SORCS3: variants seen among roughly 807,000 people sequenced by gnomAD.
The protein encoded by SORCS3 is VPS10 domain-containing receptor SorCS3.
SORCS3 carries 57 observed loss-of-function variants against 146.3 expected under a neutral mutation model. The observed-to-expected ratio is 0.39, with a 90% CI of 0.31 to 0.49. The LOEUF (loss-of-function observed/expected upper bound fraction) is 0.49. Among genes scored for constraint, SORCS3 ranks in the 20% least tolerant of loss-of-function variants. The probability of loss-of-function intolerance (pLI) is 0.92; values close to 1 mark genes in which losing one functional copy is unlikely to be tolerated. For missense variants in SORCS3, 1,341 were observed against 1,575.5 expected (o/e 0.85, Z 2.52); for synonymous variants, 653 against 618.5 (o/e 1.06, Z -0.83).
At chr10:104,642,048 G>A (rs1169488025) in intron 1 of SORCS3, 94 bp downstream of exon 1, 11 of 1,383,520 alleles carry the variant, frequency 8.0e-6, no homozygotes, top group South Asian at 4.4e-5. Context: ...GTTGCTCGGG[G>A]GTCGAGGCGG....
At chr10:104,683,771 C>T (rs2016009090) in intron 1 of SORCS3, among the ~76,000 whole-genome samples, 1 of 152,124 alleles carries the variant, frequency 6.6e-6, no homozygotes, top group Non-Finnish European at 1.5e-5. Flanking sequence ...TGGGTCCCTC[C>T]ACATCTATGA....
At chr10:104,742,604 A>G (rs2133461859) in intron 1 of SORCS3, among the ~76,000 whole-genome samples, 1 of 152,326 alleles carries the variant, frequency 6.6e-6, no homozygotes, top group South Asian at 2.1e-4. Flanking sequence ...AGTCAACAAC[A>G]TTGGGCTGCA....
In SORCS3 at chr10:104,936,133, T is replaced by C. The variant is rs144767806; in HGVS notation, c.795+20201T>C. On this transcript the variant is annotated intron_variant, in intron 3 of 26. Coordinates refer to ENST00000369701, the MANE Select transcript of SORCS3 (RefSeq NM_014978.3). Reference sequence around the variant, plus strand: ...GGCCTAATCATGACAGTTTTACCAGTAAATTAATCTATTATACATTCATAT... The same window carrying C: ...GGCCTAATCATGACAGTTTTACCAGCAAATTAATCTATTATACATTCATAT... Among the ~76,000 whole-genome samples, 47 of 152,334 alleles carry C rather than the reference T, an allele frequency of 3.1e-4. No individual in the cohort carries two copies. The East Asian group carries it at 9.1e-3, about 29-fold the overall frequency.
intron 5 of SORCS3, among the ~76,000 whole-genome samples, chr10:105,079,764 CT>C (rs2055611190): frequency 1.3e-5 from 2 of 152,180 alleles, no homozygotes; most frequent in Admixed American, 1.3e-4. Flanking sequence ...TGTTGTTCCC[CT>C]CTTTGTGTCA....
intron 1 of SORCS3, among the ~76,000 whole-genome samples, chr10:104,668,890 G>C (rs544067385): frequency 6.6e-6 from 1 of 152,198 alleles, no homozygotes; most frequent in African/African-American, 2.4e-5. Context: ...CCCCAAGTGC[G>C]ATTCTGACAT....
intron 9 of SORCS3, among the ~76,000 whole-genome samples, chr10:105,152,928 TCTCA>T (rs1428130122): frequency 3.7e-5 from 5 of 135,072 alleles, no homozygotes; most frequent in African/African-American, 1.3e-4. Flanking sequence ...CTTAGGCTTT[TCTCA>T]CTATTAATTT....
intron 1 of SORCS3, among the ~76,000 whole-genome samples, chr10:104,653,921 T>A (rs1013385709): frequency 6.6e-6 from 1 of 152,186 alleles, no homozygotes; most frequent in Non-Finnish European, 1.5e-5. Flanking sequence ...TTATTTTTTG[T>A]ACCCATTAAT....
At chr10:104,681,761 A>C (rs2015979374) in intron 1 of SORCS3, among the ~76,000 whole-genome samples, 1 of 152,076 alleles carries the variant, frequency 6.6e-6, no homozygotes, top group Non-Finnish European at 1.5e-5. Flanking sequence ...CTCCTGCCCC[A>C]GGGCCTTTGC....
intron 10 of SORCS3, among the ~76,000 whole-genome samples, chr10:105,157,912 G>T (rs903302136): frequency 8.5e-5 from 13 of 152,144 alleles, no homozygotes; most frequent in Non-Finnish European, 1.9e-4. Context: ...CAATTCTAAG[G>T]TCCCAGAAAT....
intron 4 of SORCS3, among the ~76,000 whole-genome samples, chr10:105,001,091 T>G (rs2055057936): frequency 6.6e-6 from 1 of 152,220 alleles, no homozygotes; most frequent in Admixed American, 6.6e-5. Context: ...ATGTGGCTTT[T>G]GTATTTCTCC....
intron 2 of SORCS3, among the ~76,000 whole-genome samples, chr10:104,914,543 CA>C (rs2019005009): frequency 6.6e-6 from 1 of 152,016 alleles, no homozygotes; most frequent in Non-Finnish European, 1.5e-5. Flanking sequence ...GGCTTAAGCC[CA>C]GGAATTTGAG....
At chr10:104,692,602 A>C (rs2016127262) in intron 1 of SORCS3, among the ~76,000 whole-genome samples, 1 of 152,198 alleles carries the variant, frequency 6.6e-6, no homozygotes, top group South Asian at 2.1e-4. Context: ...TTACACTCTA[A>C]CTGGGAAAAT....
intron 5 of SORCS3, among the ~76,000 whole-genome samples, chr10:105,087,317 T>TTGGTTACTGTAGCCTTGTAGTA (rs1438093536): frequency 6.6e-6 from 1 of 152,214 alleles, no homozygotes; most frequent in Non-Finnish European, 1.5e-5. Context: ...AGCATGTTGT[T>TTGGTTACTGTAGCCTTGTAGTA]TGGTTACTGT....
chr10:104,909,255 T>C (rs2018940978), intron 2 of SORCS3, among the ~76,000 whole-genome samples: 1 of 152,024 alleles, frequency 6.6e-6, no homozygotes. Context: ...GAAAAAAAAG[T>C]TTGCCAACCT....
At chr10:104,688,355 TG>T (rs989208491) in intron 1 of SORCS3, among the ~76,000 whole-genome samples, 1 of 151,840 alleles carries the variant, frequency 6.6e-6, no homozygotes, top group Non-Finnish European at 1.5e-5. Flanking sequence ...GCTGCGTGTG[TG>T]GGGGGGCAGT....
At chr10:105,200,677 C>T (rs12776507) in intron 15 of SORCS3, among the ~76,000 whole-genome samples, 37 of 152,284 alleles carry the variant, frequency 2.4e-4, no homozygotes, top group Non-Finnish European at 4.7e-4. Context: ...AAGATTTGGG[C>T]ATGGTCGTTT....
intron 18 of SORCS3, among the ~76,000 whole-genome samples, chr10:105,215,967 C>T (rs913503668): frequency 6.2e-5 from 7 of 113,356 alleles, no homozygotes; most frequent in African/African-American, 2.1e-4. Flanking sequence ...AAGTGTTGGC[C>T]CAATATAATG....
intron 5 of SORCS3, among the ~76,000 whole-genome samples, chr10:105,088,508 CT>C (rs1160177210): frequency 9.8e-5 from 12 of 122,802 alleles, no homozygotes; most frequent in Non-Finnish European, 1.8e-4. Context: ...AAACATACCA[CT>C]TGCTGCCGAA....
intron 1 of SORCS3, among the ~76,000 whole-genome samples, chr10:104,704,547 G>A (rs2133433472): frequency 6.6e-6 from 1 of 152,222 alleles, no homozygotes; most frequent in East Asian, 1.9e-4. Context: ...AGGGAAACTG[G>A]GGATGGGGTA....
Sources: gnomAD v4.1 joint callset for allele counts (sites outside exome capture counted in the v4.1 genomes callset) on GRCh38, gnomAD v4.1.1 for gene constraint, MANE v1.5 for transcripts, NCBI Gene and HGNC (gene_info 2026-07-23, HGNC 2026-07-21) for gene names.